RSPO2: variants seen among roughly 807,000 people sequenced by gnomAD.
RSPO2 encodes R-spondin-2.
Under a neutral mutation model 30.9 loss-of-function variants are expected in RSPO2, and 14 were observed. That is an observed-to-expected ratio of 0.45 (90% CI 0.30 to 0.71). The LOEUF is 0.71. Ranked by LOEUF, RSPO2 falls within the 30% of genes least tolerant of loss-of-function variation. The pLI is 0.08. For synonymous variants in RSPO2, 107 were observed against 96.4 expected (o/e 1.11, Z -0.64); for missense variants, 264 against 301.9 (o/e 0.87, Z 0.93).
At chr8:108,007,201 C>T (rs899389552) in intron 2 of RSPO2, among the ~76,000 whole-genome samples, 4 of 152,018 alleles carry the variant, frequency 2.6e-5, no homozygotes, top group African/African-American at 9.7e-5. Flanking sequence ...TATTTTTTGC[C>T]TCTGTTGACA....
intron 5 of RSPO2, among the ~76,000 whole-genome samples, chr8:107,955,638 TA>T (rs11404577): frequency 6.6e-6 from 1 of 151,582 alleles, no homozygotes; most frequent in Non-Finnish European, 1.5e-5. Flanking sequence ...CACTGTTTTT[TA>T]AAAAAAACTC....
At chr8:107,990,669 C>T (rs1814814478) in intron 2 of RSPO2, among the ~76,000 whole-genome samples, 8 of 152,142 alleles carry the variant, frequency 5.3e-5, no homozygotes, top group Admixed American at 5.2e-4. Context: ...CATTAAACTA[C>T]CATTGACATT....
chr8:108,030,112 T>C (rs1586641822), intron 2 of RSPO2, among the ~76,000 whole-genome samples: 1 of 103,002 alleles, frequency 9.7e-6, no homozygotes, highest in African/African-American at 4.2e-5. Flanking sequence ...GGTCCTGGGA[T>C]AGATAGGAAA....
At chr8:107,992,174 T>TAC (rs35054419) in intron 2 of RSPO2, among the ~76,000 whole-genome samples, 9,156 of 141,990 alleles carry the variant, frequency 0.064, 293 homozygotes, top group African/African-American at 0.085. Flanking sequence ...GAAAATGTGA[T>TAC]ACACACACAC....
At chr8:107,909,662 CAAA>C (rs545961402) in intron 5 of RSPO2, among the ~76,000 whole-genome samples, 1 of 151,994 alleles carries the variant, frequency 6.6e-6, no homozygotes, top group Non-Finnish European at 1.5e-5. Flanking sequence ...CTGAGTTCCA[CAAA>C]AAAAGTCATT....
chr8:107,936,404 A>G (rs963865458), intron 5 of RSPO2, among the ~76,000 whole-genome samples: 1 of 152,190 alleles, frequency 6.6e-6, no homozygotes, highest in African/African-American at 2.4e-5. Context: ...TAGTGCTGCA[A>G]TAAACAGATG....
intron 2 of RSPO2, among the ~76,000 whole-genome samples, chr8:108,017,014 CTTTTTT>C (rs113953146): frequency 4.7e-5 from 7 of 148,460 alleles, no homozygotes; most frequent in East Asian, 3.9e-4. Context: ...CTTTCTTTTT[CTTTTTT>C]TTTTCTTTTT....
chr8:108,009,260 A>T (rs1168567064), intron 2 of RSPO2, among the ~76,000 whole-genome samples: 1 of 152,206 alleles, frequency 6.6e-6, no homozygotes, highest in East Asian at 1.9e-4. Context: ...TGAATTTCAT[A>T]ATATTACTTC....
At chr8:108,001,053 G>T (rs527268932) in intron 2 of RSPO2, among the ~76,000 whole-genome samples, 40 of 151,460 alleles carry the variant, frequency 2.6e-4, no homozygotes, top group Non-Finnish European at 4.9e-4. Context: ...TTAGCCAGGC[G>T]TGGTGGCGGG....
chr8:107,944,182 G>T (rs1320752459), intron 5 of RSPO2, among the ~76,000 whole-genome samples: 2 of 152,100 alleles, frequency 1.3e-5, no homozygotes, highest in African/African-American at 4.8e-5. Flanking sequence ...AATTAAGATT[G>T]CATTAATGAC....
chr8:108,072,075 A>G (rs1812863667), intron 2 of RSPO2, among the ~76,000 whole-genome samples: 1 of 152,218 alleles, frequency 6.6e-6, no homozygotes, highest in Non-Finnish European at 1.5e-5. Flanking sequence ...TCATTTGGTC[A>G]TAGGATATTA....
intron 3 of RSPO2, among the ~76,000 whole-genome samples, chr8:107,963,727 A>G (rs1225673543): frequency 1.3e-5 from 2 of 152,110 alleles, no homozygotes; most frequent in African/African-American, 4.8e-5. Context: ...AAAGTATCAT[A>G]GAAAAGGTTA....
chr8:107,973,257 G>T (rs573578755), intron 3 of RSPO2, among the ~76,000 whole-genome samples: 1 of 146,864 alleles, frequency 6.8e-6, no homozygotes, highest in Admixed American at 6.6e-5. Flanking sequence ...GCAACACAGC[G>T]AGACTCCATC....
At chr8:107,999,992 A>G (rs1387182824) in intron 2 of RSPO2, among the ~76,000 whole-genome samples, 3 of 152,174 alleles carry the variant, frequency 2.0e-5, no homozygotes, top group Non-Finnish European at 4.4e-5. Flanking sequence ...ACACAGCACA[A>G]AAGAAACAGG....
chr8:107,935,358 T>C (rs759563110), intron 5 of RSPO2, among the ~76,000 whole-genome samples: 1 of 152,082 alleles, frequency 6.6e-6, no homozygotes, highest in Non-Finnish European at 1.5e-5. Flanking sequence ...ATGGATATAA[T>C]CTAAATATTT....
At chr8:107,958,714 C>G (rs1420709742) in intron 4 of RSPO2, among the ~76,000 whole-genome samples, 2 of 152,126 alleles carry the variant, frequency 1.3e-5, no homozygotes, top group Non-Finnish European at 2.9e-5. Context: ...CCCATTCTTA[C>G]AGGACCTAGT....
intron 2 of RSPO2, among the ~76,000 whole-genome samples, chr8:108,038,456 A>G (rs1373001675): frequency 6.6e-6 from 1 of 152,228 alleles, no homozygotes. Flanking sequence ...ATATTACATA[A>G]ATGTAGTTGA....
chr8:107,970,694 T>C (rs1051450096), intron 3 of RSPO2, among the ~76,000 whole-genome samples: 1 of 152,216 alleles, frequency 6.6e-6, no homozygotes, highest in African/African-American at 2.4e-5. Flanking sequence ...TGTCTGTGGG[T>C]CAATATTCCA....
At chr8:107,968,996 T>G (rs1365794124) in intron 3 of RSPO2, among the ~76,000 whole-genome samples, 1 of 152,134 alleles carries the variant, frequency 6.6e-6, no homozygotes, top group Non-Finnish European at 1.5e-5. Context: ...AATCATTTGT[T>G]GGGTACCTAC....
Sources: gnomAD v4.1 joint callset for allele counts (sites outside exome capture counted in the v4.1 genomes callset) on GRCh38, gnomAD v4.1.1 for gene constraint, MANE v1.5 for transcripts, NCBI Gene and HGNC (gene_info 2026-07-23, HGNC 2026-07-21) for gene names.